The following GRXCR1 variants were observed in gnomAD, a reference collection of about 807,000 sequenced individuals.
GRXCR1 encodes the protein glutaredoxin domain-containing cysteine-rich protein 1.
In GRXCR1, 27 loss-of-function variants were observed where a neutral mutation model predicts 27.3. That is an observed-to-expected ratio of 0.99 (90% confidence interval 0.73 to 1.37). The LOEUF is 1.37. GRXCR1 is among the 40% of genes most tolerant of loss of function. The pLI, the probability that GRXCR1 is intolerant of heterozygous loss-of-function variation, is 0.00. For synonymous variants in GRXCR1, 122 were observed against 131.1 expected (o/e 0.93, Z 0.47); for missense variants, 379 against 354.4 (o/e 1.07, Z -0.56).
intron 1 of GRXCR1, among the ~76,000 whole-genome samples, chr4:42,915,590 C>G (rs1746867557): frequency 6.6e-6 from 1 of 152,094 alleles, no homozygotes; most frequent in Non-Finnish European, 1.5e-5. Context: ...TACAAAACAA[C>G]AGAGTAGCTT....
chr4:42,916,822 T>C (rs971090971), intron 1 of GRXCR1, among the ~76,000 whole-genome samples: 5 of 152,140 alleles, frequency 3.3e-5, no homozygotes, highest in African/African-American at 1.2e-4. Flanking sequence ...AGATTAAGTA[T>C]CTATTGATTA....
chr4:42,897,816 G>A (rs1160351090), intron 1 of GRXCR1, among the ~76,000 whole-genome samples: 1 of 151,768 alleles, frequency 6.6e-6, no homozygotes, highest in Non-Finnish European at 1.5e-5. Flanking sequence ...AAATTTTTCA[G>A]TAATGAGGAA....
intron 2 of GRXCR1, among the ~76,000 whole-genome samples, chr4:42,969,761 C>T (rs774810362): frequency 1.3e-5 from 2 of 152,066 alleles, no homozygotes; most frequent in African/African-American, 2.4e-5. Context: ...CATATCATTA[C>T]ATCCCTGGAC....
chr4:42,987,648 A>AT (rs1711822091), intron 2 of GRXCR1, among the ~76,000 whole-genome samples: 5 of 152,084 alleles, frequency 3.3e-5, no homozygotes, highest in South Asian at 4.1e-4. Context: ...AGTATGAAAG[A>AT]TTTCTAGAGA....
chr4:42,963,428 G>A (rs1307417640), intron 2 of GRXCR1, among the ~76,000 whole-genome samples: 1 of 151,668 alleles, frequency 6.6e-6, no homozygotes, highest in Non-Finnish European at 1.5e-5. Context: ...TTGGCATGTG[G>A]GATAAAGACT....
At chr4:43,005,686 C>A (rs57335572) in intron 2 of GRXCR1, among the ~76,000 whole-genome samples, 6,082 of 152,192 alleles carry the variant, frequency 0.04, 364 homozygotes, top group African/African-American at 0.13. Context: ...GCAGGAAGTA[C>A]TCCTTGGAAA....
intron 2 of GRXCR1, among the ~76,000 whole-genome samples, chr4:42,977,683 T>G (rs143389745): frequency 6.6e-6 from 1 of 152,072 alleles, no homozygotes; most frequent in African/African-American, 2.4e-5. Flanking sequence ...GTTTTTGGGT[T>G]CCTTGTATAT....
In GRXCR1 at chr4:43,020,751, A is replaced by G. The variant is rs116808095; in HGVS notation, c.693+332A>G. Among the ~76,000 whole-genome samples the G allele has an allele frequency of 4.9e-3, 749 of 152,256 alleles. 10 individuals are homozygous for G. Among genetic ancestry groups the G allele is most frequent in the African/African-American group, 0.015 (638 of 41,556 alleles). On this transcript the variant is annotated intron_variant, in intron 3 of 3. Transcript: ENST00000399770. Reference sequence around the variant, plus strand: ...TAAAATTTTTCATTGAAACAACTTTATTTTTCCCATGGATCTTCCTACATA... The same window carrying G: ...TAAAATTTTTCATTGAAACAACTTTGTTTTTCCCATGGATCTTCCTACATA...
chr4:42,983,943 CT>C (rs1210867065), intron 2 of GRXCR1, among the ~76,000 whole-genome samples: 1 of 150,914 alleles, frequency 6.6e-6, no homozygotes, highest in Non-Finnish European at 1.5e-5. Context: ...TCAAGCAATT[CT>C]CCTGCCTCAG....
intron 1 of GRXCR1, among the ~76,000 whole-genome samples, chr4:42,940,973 A>G (rs1371950592): frequency 3.3e-5 from 5 of 152,068 alleles, no homozygotes; most frequent in Admixed American, 3.3e-4. Flanking sequence ...ATATTTAATC[A>G]ATTATGAAAT....
chr4:43,007,564 A>T (rs1712602074), intron 2 of GRXCR1, among the ~76,000 whole-genome samples: 1 of 152,238 alleles, frequency 6.6e-6, no homozygotes, highest in African/African-American at 2.4e-5. Context: ...CAAGAATAAA[A>T]CCAGGGAGGT....
At chr4:42,951,773 G>A (rs1199202421) in intron 1 of GRXCR1, among the ~76,000 whole-genome samples, 3 of 152,086 alleles carry the variant, frequency 2.0e-5, no homozygotes, top group Non-Finnish European at 4.4e-5. Context: ...ATCCTCACTA[G>A]CATCTGTTGT....
chr4:42,910,166 C>T (rs1334608426), intron 1 of GRXCR1, among the ~76,000 whole-genome samples: 1 of 152,126 alleles, frequency 6.6e-6, no homozygotes, highest in Non-Finnish European at 1.5e-5. Flanking sequence ...CACGAGAACT[C>T]ACTATCACCA....
chr4:42,957,682 C>T (rs11930694), intron 1 of GRXCR1, among the ~76,000 whole-genome samples: 4,647 of 151,626 alleles, frequency 0.031, 82 homozygotes, highest in South Asian at 0.058. Flanking sequence ...TTCACTAATT[C>T]CTTCTTCTGC....
intron 1 of GRXCR1, among the ~76,000 whole-genome samples, chr4:42,959,393 C>T (rs1001589531): frequency 6.6e-6 from 1 of 151,188 alleles, no homozygotes; most frequent in Non-Finnish European, 1.5e-5. Context: ...ATCTCAAATA[C>T]ATAGGAACAG....
intron 1 of GRXCR1, among the ~76,000 whole-genome samples, chr4:42,934,114 T>G (rs1747398358): frequency 6.6e-6 from 1 of 151,836 alleles, no homozygotes; most frequent in South Asian, 2.1e-4. Flanking sequence ...TTGTGGACTC[T>G]TTAAGGAGGC....
intron 1 of GRXCR1, among the ~76,000 whole-genome samples, chr4:42,914,134 C>A (rs140702443): frequency 5.7e-4 from 87 of 152,354 alleles, no homozygotes; most frequent in African/African-American, 2.0e-3. Flanking sequence ...GAAGTCCCCA[C>A]TTGGGCACTG....
intron 2 of GRXCR1, among the ~76,000 whole-genome samples, chr4:42,964,833 T>G (rs1435058211): frequency 3.3e-5 from 5 of 152,040 alleles, no homozygotes; most frequent in Admixed American, 1.3e-4. Flanking sequence ...TTTTGTTCTC[T>G]CTCTAAGACA....
chr4:42,987,457 T>G (rs1016730134), intron 2 of GRXCR1, among the ~76,000 whole-genome samples: 9 of 151,288 alleles, frequency 5.9e-5, no homozygotes, highest in Non-Finnish European at 1.3e-4. Flanking sequence ...GCTAATTTTA[T>G]TTTTTGTAGA....
Sources: gnomAD v4.1 joint callset for allele counts (sites outside exome capture counted in the v4.1 genomes callset) on GRCh38, gnomAD v4.1.1 for gene constraint, MANE v1.5 for transcripts, NCBI Gene and HGNC (gene_info 2026-07-23, HGNC 2026-07-21) for gene names.